CUL1: variants seen among roughly 807,000 people sequenced by gnomAD.
CUL1 encodes the protein cullin-1.
Under a neutral mutation model 118.0 loss-of-function variants are expected in CUL1, and 24 were observed. The observed-to-expected ratio is 0.20, with a 90% confidence interval of 0.15 to 0.29. CUL1 has a LOEUF of 0.29. Among genes scored for constraint, CUL1 ranks in the 10% least tolerant of loss-of-function variants. The probability of loss-of-function intolerance (pLI) is 1.00; values close to 1 mark genes in which losing one functional copy is unlikely to be tolerated. For missense variants in CUL1, 361 were observed against 933.8 expected (o/e 0.39, Z 7.99); for synonymous variants, 332 against 340.4 (o/e 0.98, Z 0.27).
In CUL1 at chr7:148,760,231, C is replaced by T. The variant is rs181955566; in HGVS notation, c.626-102C>T. On this transcript the variant is annotated intron_variant, in intron 6 of 21. Transcript: ENST00000325222. Reference sequence around the variant, plus strand: ...CTTATGTCCTGCCATTTCACATTTACCTTTTAAACATAACTTAAACTGAAT... The same window carrying T: ...CTTATGTCCTGCCATTTCACATTTATCTTTTAAACATAACTTAAACTGAAT... 2.7e-4 allele frequency: 246 copies of T among 914,542 alleles called. 3 individuals carry two copies. In the African/African-American group the frequency reaches 3.7e-3, roughly 14 times the overall value. The allele number at this position is 914,542 out of a possible 1,614,324, so 56.7% of individuals were successfully genotyped here.
intron 9 of CUL1, among the ~76,000 whole-genome samples, chr7:148,776,939 CTT>C (rs1800421941): frequency 6.6e-6 from 1 of 152,224 alleles, no homozygotes; most frequent in South Asian, 2.1e-4. Context: ...CCTGGGGAAT[CTT>C]TTCATTCTCT....
chr7:148,777,415 T>G (rs192253209), intron 9 of CUL1, among the ~76,000 whole-genome samples: 2 of 151,656 alleles, frequency 1.3e-5, no homozygotes, highest in African/African-American at 4.8e-5. Flanking sequence ...CTTTGGGAGG[T>G]TGAGGCAGGT....
chr7:148,769,397 TCACACACACACACACACA>T (rs55858322), intron 9 of CUL1, among the ~76,000 whole-genome samples: 90 of 129,106 alleles, frequency 7.0e-4, no homozygotes, highest in South Asian at 6.6e-3. Context: ...AGGGCCTGAT[TCACACACACACACACACA>T]CACACACACA....
At chr7:148,759,462 T>C (rs1194918303) in intron 5 of CUL1, 86 bp from the exon 6 acceptor site, 4 of 1,403,218 alleles carry the variant, frequency 2.9e-6, no homozygotes, top group Non-Finnish European at 3.0e-6. Context: ...TTACATTGTT[T>C]AGTGGCTGTG....
In CUL1 at chr7:148,790,381, A is replaced by G. The variant is rs757835885; in HGVS notation, c.1746A>G (p.Leu582=). 3.7e-6 allele frequency: 6 copies of G among 1,613,994 alleles called. No homozygotes were observed. The highest frequency in any genetic ancestry group is 2.7e-5 in the African/African-American group (2 of 74,944). Reference sequence around the variant, plus strand: ...ACAGTGGCCGAAAATTGACGTGGTTATATCAGTTGTCTAAAGGAGAATTGG... The same window carrying G: ...ACAGTGGCCGAAAATTGACGTGGTTGTATCAGTTGTCTAAAGGAGAATTGG... ...SRHSGRKLTW[L]YQLSKGELVT... is the part of the protein sequence containing the mutation. The change falls in exon 16 of 22, where the codon TTA becomes TTG. Residue 582 remains leucine, a synonymous_variant. Transcript: ENST00000325222.
At chr7:148,742,596 TGG>T (rs1491201165) in intron 2 of CUL1, among the ~76,000 whole-genome samples, 2 of 137,428 alleles carry the variant, frequency 1.5e-5, no homozygotes, top group African/African-American at 2.9e-5. Flanking sequence ...CTACCTTTTC[TGG>T]TTTTTTTTTT....
intron 1 of CUL1, among the ~76,000 whole-genome samples, chr7:148,725,969 TAGC>T (rs1428411999): frequency 1.3e-5 from 2 of 152,196 alleles, no homozygotes; most frequent in African/African-American, 2.4e-5. Flanking sequence ...ATAAATCACA[TAGC>T]AGCAGGAATA....
In CUL1 at chr7:148,731,562, T is replaced by C. The variant is rs1301518931; in HGVS notation, c.140+1300T>C. 3.9e-5 allele frequency among the ~76,000 whole-genome samples: 6 copies of C among 152,342 alleles called. No individual in the cohort carries two copies. In the East Asian group the frequency reaches 1.2e-3, roughly 29 times the overall value. ...TTATGTACCATAAAATTCAACCTTT[T>C]AAAAAGTATACAGTGCAGTGGTTTT... is the stretch of plus-strand genomic sequence containing the variant. On this transcript the variant is annotated intron_variant, in intron 2 of 21. Transcript: ENST00000325222.
At position 148,740,935 on chromosome 7, in the gene CUL1, G is replaced by T. The variant is rs1269935093; in HGVS notation, c.140+10673G>T. 2.0e-5 allele frequency among the ~76,000 whole-genome samples: 3 copies of T among 152,204 alleles called. No homozygotes were observed. The East Asian group carries it at 5.8e-4, about 29-fold the overall frequency. On this transcript the variant is annotated intron_variant, in intron 2 of 21. Coordinates refer to ENST00000325222, the MANE Select transcript of CUL1 (RefSeq NM_003592.3). ...TCGGACCTCTAGTCTCCAGAACTGTGAGAAAATAAATTCCTGTTGTTTAAG... is the reference window on the plus strand; with the variant it reads ...TCGGACCTCTAGTCTCCAGAACTGTTAGAAAATAAATTCCTGTTGTTTAAG...
Position 148,797,924 on chromosome 7 carries a change from T to C in CUL1, c.1948-13T>C. 1 of 1,611,930 alleles carries C rather than the reference T, an allele frequency of 6.2e-7. No homozygotes were observed. The highest frequency in any genetic ancestry group is 1.1e-5 in the South Asian group (1 of 90,934). On this transcript the variant is annotated splice_polypyrimidine_tract_variant and intron_variant, in intron 18 of 21. Transcript: ENST00000325222. Reference sequence around the variant, plus strand: ...TTTCCTGAGATTGTAGAGTAACAATTGTTTTCTTACAGGTCTTGGAAGATG... The same window carrying C: ...TTTCCTGAGATTGTAGAGTAACAATCGTTTTCTTACAGGTCTTGGAAGATG...
At chr7:148,742,824 A>G (rs1009089854) in intron 2 of CUL1, among the ~76,000 whole-genome samples, 11 of 151,998 alleles carry the variant, frequency 7.2e-5, no homozygotes, top group Non-Finnish European at 1.0e-4. Flanking sequence ...GGCTAGTCTC[A>G]AACTCCTGAC....
chr7:148,798,464 C>T (rs896263592), intron 19 of CUL1, 108 bp from the exon 20 acceptor site: 3 of 742,032 alleles, frequency 4.0e-6, no homozygotes, highest in East Asian at 2.7e-5. Context: ...ACATTCTCCC[C>T]TCTGTCTAGG....
At chr7:148,764,528 G>C (rs1435743638) in intron 7 of CUL1, among the ~76,000 whole-genome samples, 3 of 152,204 alleles carry the variant, frequency 2.0e-5, no homozygotes, top group African/African-American at 7.2e-5. Flanking sequence ...CCTCTCAGAG[G>C]ATGAATCAGG....
intron 9 of CUL1, among the ~76,000 whole-genome samples, chr7:148,769,570 C>G (rs926554782): frequency 6.6e-6 from 1 of 152,084 alleles, no homozygotes; most frequent in Non-Finnish European, 1.5e-5. Context: ...GCAGCAGAGC[C>G]AAGTAAATGA....
At chr7:148,744,022 T>A (rs1799229294) in intron 2 of CUL1, among the ~76,000 whole-genome samples, 1 of 152,224 alleles carries the variant, frequency 6.6e-6, no homozygotes, top group Non-Finnish European at 1.5e-5. Flanking sequence ...AATGTGTCCC[T>A]TTTTATCCCT....
intron 7 of CUL1, among the ~76,000 whole-genome samples, chr7:148,762,018 C>G (rs1799847224): frequency 6.6e-6 from 1 of 152,186 alleles, no homozygotes; most frequent in Admixed American, 6.5e-5. Flanking sequence ...GTAATGCTCA[C>G]TCATATGCTG....
intron 1 of CUL1, among the ~76,000 whole-genome samples, chr7:148,704,589 T>C (rs1458740558): frequency 2.0e-5 from 3 of 152,252 alleles, no homozygotes; most frequent in Non-Finnish European, 4.4e-5. Flanking sequence ...TAAGGATGAT[T>C]ATTTCAGCAT....
At position 148,754,019 on chromosome 7, in the gene CUL1, G is replaced by A. The variant is rs750624124; in HGVS notation, c.184G>A (p.Ala62Thr). ...TACTAGTGTTCACCAGTCAAACCAA[G>A]CACGAGGAGCTGGAGTTCCTCCTTC... ...YCTSVHQSNQARGAGVPPSKS... is the reference protein window; with the variant it reads ...YCTSVHQSNQTRGAGVPPSKS... Residue 62 changes from alanine (A) to threonine (T), a missense_variant, in exon 3 of 22, where the codon GCA (alanine) becomes ACA (threonine). Physicochemically the swap from Ala to Thr is moderately conservative, Grantham distance 58 (BLOSUM62 0). Around this residue, in one of 7 missense-constraint regions of CUL1, gnomAD observed 49 missense variants for 67.4 expected, o/e 0.73. Transcript: ENST00000325222. The A allele has an allele frequency of 1.9e-6, 3 of 1,613,484 alleles. No homozygotes were observed. The highest frequency in any genetic ancestry group is 1.1e-5 in the South Asian group (1 of 90,920).
intron 1 of CUL1, among the ~76,000 whole-genome samples, chr7:148,715,047 T>A (rs1798170287): frequency 6.6e-6 from 1 of 152,202 alleles, no homozygotes; most frequent in South Asian, 2.1e-4. Context: ...TATGTGGTTT[T>A]GGAAGACATG....
Sources: gnomAD v4.1 joint callset for allele counts (sites outside exome capture counted in the v4.1 genomes callset) on GRCh38, gnomAD v4.1.1 for gene constraint, gnomAD v4.1.1 regional missense constraint, MANE v1.5 for transcripts, NCBI Gene and HGNC (gene_info 2026-07-23, HGNC 2026-07-21) for gene names.